ENTREP1: variants seen among roughly 807,000 people sequenced by gnomAD.
The protein encoded by ENTREP1 is endosomal transmembrane epsin interactor 1.
chr9:69,344,760 G>A, the ENTREP1 span, among the ~76,000 whole-genome samples: 1 of 152,204 alleles, frequency 6.6e-6, no homozygotes, highest in Admixed American at 6.5e-5. Context: ...GGCAAAGGAG[G>A]CAGCTTGTGT....
chr9:69,359,421 T>C, the ENTREP1 span, among the ~76,000 whole-genome samples: 2 of 152,250 alleles, frequency 1.3e-5, 1 homozygote, highest in East Asian at 3.9e-4. Context: ...AGGGACCAGG[T>C]GGAGATAATT....
the ENTREP1 span, among the ~76,000 whole-genome samples, chr9:69,356,956 C>T: frequency 2.0e-5 from 3 of 152,038 alleles, no homozygotes; most frequent in African/African-American, 7.2e-5. Context: ...GATTGCTTGG[C>T]TTATAAGAAA....
At chr9:69,345,936 C>T in the ENTREP1 span, among the ~76,000 whole-genome samples, 1 of 151,722 alleles carries the variant, frequency 6.6e-6, no homozygotes, top group Non-Finnish European at 1.5e-5. Context: ...ATAATTAGAC[C>T]TCTGCATTTA....
the ENTREP1 span, among the ~76,000 whole-genome samples, chr9:69,340,636 C>CATGTGTGTGTGTATGTGTGTGT: frequency 8.3e-6 from 1 of 120,550 alleles, no homozygotes; most frequent in Non-Finnish European, 1.7e-5. Flanking sequence ...TGTGTGTGTG[C>CATGTGTGTGTGTATGTGTGTGT]GTGCATGTGT....
chr9:69,376,228 T>A, the ENTREP1 span, among the ~76,000 whole-genome samples: 1 of 152,186 alleles, frequency 6.6e-6, no homozygotes, highest in African/African-American at 2.4e-5. Context: ...AGCAAAACCT[T>A]TAAGTCGCAC....
chr9:69,354,237 G>T, the ENTREP1 span, among the ~76,000 whole-genome samples: 33 of 137,602 alleles, frequency 2.4e-4, no homozygotes, highest in African/African-American at 7.0e-4. Context: ...TCTTTCTCTT[G>T]TTTGCCCTAT....
the ENTREP1 span, among the ~76,000 whole-genome samples, chr9:69,339,036 T>C: frequency 6.6e-6 from 1 of 152,182 alleles, no homozygotes; most frequent in Non-Finnish European, 1.5e-5. Flanking sequence ...TTGTTTTTTT[T>C]TGAGAGAGGG....
chr9:69,326,714 TC>T, the ENTREP1 span, among the ~76,000 whole-genome samples: 4 of 151,678 alleles, frequency 2.6e-5, no homozygotes, highest in African/African-American at 9.7e-5. Context: ...TCTCTTTATA[TC>T]TTTTTTTTTT....
the ENTREP1 span, among the ~76,000 whole-genome samples, chr9:69,353,107 A>G: frequency 6.6e-6 from 1 of 152,222 alleles, no homozygotes; most frequent in Non-Finnish European, 1.5e-5. Flanking sequence ...ACTACAGTCC[A>G]GTCTGGATGA....
chr9:69,357,095 CAAAAAAAAA>C, the ENTREP1 span, among the ~76,000 whole-genome samples: 130 of 88,974 alleles, frequency 1.5e-3, 1 homozygote, highest in African/African-American at 5.0e-3. Context: ...ACCATCTCTA[CAAAAAAAAA>C]AAAAAAAAAA....
the ENTREP1 span, among the ~76,000 whole-genome samples, chr9:69,374,615 C>T: frequency 6.6e-6 from 1 of 151,976 alleles, no homozygotes; most frequent in Non-Finnish European, 1.5e-5. Flanking sequence ...ATTTGTAGTT[C>T]CCTGAGTGCT....
At chr9:69,346,679 C>T in the ENTREP1 span, among the ~76,000 whole-genome samples, 1,595 of 152,100 alleles carry the variant, frequency 0.01, 26 homozygotes, top group African/African-American at 0.036. Context: ...CAATGAAAAC[C>T]GCTAATGGCA....
the ENTREP1 span, among the ~76,000 whole-genome samples, chr9:69,340,684 T>TGC: frequency 3.7e-5 from 2 of 54,692 alleles, no homozygotes; most frequent in African/African-American, 7.0e-5. Flanking sequence ...TGTGCATGCA[T>TGC]GTGTGTGTGT....
At chr9:69,374,803 AT>A in the ENTREP1 span, among the ~76,000 whole-genome samples, 1 of 152,176 alleles carries the variant, frequency 6.6e-6, no homozygotes, top group Non-Finnish European at 1.5e-5. Flanking sequence ...ACTTCTACAA[AT>A]TTGTTTGTGG....
the ENTREP1 span, chr9:69,336,256 C>G: frequency 6.3e-6 from 10 of 1,587,146 alleles, no homozygotes; most frequent in South Asian, 1.1e-5. Context: ...TGGAAAAGGC[C>G]TATGATACTC....
chr9:69,383,245 C>A, the ENTREP1 span: 1 of 687,260 alleles, frequency 1.5e-6, no homozygotes, highest in Non-Finnish European at 1.8e-6. Flanking sequence ...ATTTCGTAAC[C>A]ATCATCTTTA....
At chr9:69,391,983 C>T in the ENTREP1 span, 2 of 630,918 alleles carry the variant, frequency 3.2e-6, no homozygotes, top group South Asian at 2.0e-5. Context: ...CAGGTCGGTC[C>T]AGGCCCGTCT....
the ENTREP1 span, among the ~76,000 whole-genome samples, chr9:69,347,789 G>A: frequency 6.6e-6 from 1 of 152,106 alleles, no homozygotes; most frequent in Non-Finnish European, 1.5e-5. Flanking sequence ...GTGGTTTTCT[G>A]TTGACCTCCC....
At chr9:69,391,971 C>T in the ENTREP1 span, 5 of 672,710 alleles carry the variant, frequency 7.4e-6, no homozygotes, top group East Asian at 1.1e-4. Context: ...GGAGTAAATG[C>T]ACAGGTCGGT....
Sources: gnomAD v4.1 joint callset for allele counts (sites outside exome capture counted in the v4.1 genomes callset) on GRCh38, gnomAD v4.1.1 for gene constraint, MANE v1.5 for transcripts, NCBI Gene and HGNC (gene_info 2026-07-23, HGNC 2026-07-21) for gene names.